The following SLIT3 variants were observed in gnomAD, a reference collection of about 807,000 sequenced individuals.
SLIT3 encodes the protein slit guidance ligand 3.
A neutral mutation model predicts 184.0 loss-of-function variants in SLIT3; 68 were observed. The observed-to-expected ratio is 0.37, with a 90% CI of 0.30 to 0.45. SLIT3 has a LOEUF of 0.45. Among genes scored for constraint, SLIT3 ranks in the 20% least tolerant of loss-of-function variants. The pLI is 1.00. For synonymous variants in SLIT3, 831 were observed against 828.6 expected (o/e 1.00, Z -0.05); for missense variants, 1,707 against 2,026.0 (o/e 0.84, Z 3.02).
At chr5:169,034,912 A>AGT (rs112102059) in intron 4 of SLIT3, among the ~76,000 whole-genome samples, 9,180 of 132,238 alleles carry the variant, frequency 0.069, 338 homozygotes, top group Middle Eastern at 0.1. Flanking sequence ...ACGCCCAGCT[A>AGT]GTGTGTGTGT....
chr5:168,709,774 A>G (rs1403298731), intron 25 of SLIT3, among the ~76,000 whole-genome samples: 1 of 152,210 alleles, frequency 6.6e-6, no homozygotes, highest in Non-Finnish European at 1.5e-5. Flanking sequence ...ACAAATGAAA[A>G]GTACGTTTTT....
chr5:169,210,379 G>A (rs1256563674), intron 3 of SLIT3, among the ~76,000 whole-genome samples: 1 of 152,102 alleles, frequency 6.6e-6, no homozygotes, highest in Non-Finnish European at 1.5e-5. Flanking sequence ...CTCTCTCATG[G>A]TCATTATTAA....
rs1000428198 is a variant in SLIT3 at position 169,278,963 on chromosome 5, G to A, written c.197+21550C>T. 4.6e-5 allele frequency among the ~76,000 whole-genome samples: 7 copies of A among 152,258 alleles called. No homozygotes were observed. In the East Asian group the frequency reaches 9.7e-4, roughly 21 times the overall value. ...TGGACAGGCCAAGAATTCATGGTAC[G>A]GGGGCTGTACCATGAGGACCCGGGA... On this transcript the variant is annotated intron_variant, in intron 1 of 35. Coordinates refer to ENST00000519560, the MANE Select transcript of SLIT3 (RefSeq NM_003062.4).
chr5:169,225,606 G>C (rs1581075543), intron 3 of SLIT3, among the ~76,000 whole-genome samples: 2 of 152,252 alleles, frequency 1.3e-5, no homozygotes, highest in African/African-American at 4.8e-5. Context: ...CCATAAGACT[G>C]TATGAGACTG....
intron 1 of SLIT3, among the ~76,000 whole-genome samples, chr5:169,257,497 A>G (rs1375996697): frequency 6.7e-6 from 1 of 150,242 alleles, no homozygotes; most frequent in African/African-American, 2.4e-5. Flanking sequence ...ACGCTGACAA[A>G]TAAAATATCT....
chr5:168,801,692 C>G (rs1283605124), intron 9 of SLIT3, among the ~76,000 whole-genome samples: 4 of 151,976 alleles, frequency 2.6e-5, no homozygotes, highest in Non-Finnish European at 2.9e-5. Flanking sequence ...CTGGGGCTTC[C>G]CATAATCAAA....
At chr5:168,738,178 G>A (rs1055558436) in intron 20 of SLIT3, among the ~76,000 whole-genome samples, 4 of 152,180 alleles carry the variant, frequency 2.6e-5, no homozygotes, top group Admixed American at 2.0e-4. Context: ...TTTACAATAA[G>A]GTTAAAATGT....
At chr5:168,822,140 C>T (rs145501601) in intron 7 of SLIT3, among the ~76,000 whole-genome samples, 1 of 152,258 alleles carries the variant, frequency 6.6e-6, no homozygotes, top group East Asian at 1.9e-4. Flanking sequence ...CTAGGGACCC[C>T]ACTGTGGAAG....
chr5:169,214,165 T>C (rs538966359), intron 3 of SLIT3, among the ~76,000 whole-genome samples: 216 of 152,346 alleles, frequency 1.4e-3, no homozygotes, highest in African/African-American at 5.0e-3. Flanking sequence ...ATTGAAATCA[T>C]ATAAGTGGCT....
chr5:169,095,574 A>G (rs973413157), intron 4 of SLIT3, among the ~76,000 whole-genome samples: 1 of 152,198 alleles, frequency 6.6e-6, no homozygotes, highest in Non-Finnish European at 1.5e-5. Context: ...GTAAGTATCC[A>G]TGGACTTCCC....
intron 4 of SLIT3, among the ~76,000 whole-genome samples, chr5:168,946,187 CG>C (rs1173150048): frequency 6.6e-6 from 1 of 152,150 alleles, no homozygotes; most frequent in Non-Finnish European, 1.5e-5. Context: ...TCACTATACA[CG>C]TTGACCCTTT....
intron 4 of SLIT3, among the ~76,000 whole-genome samples, chr5:169,066,586 C>T (rs1034724870): frequency 6.6e-6 from 1 of 152,156 alleles, no homozygotes; most frequent in Non-Finnish European, 1.5e-5. Flanking sequence ...TCATACCCTG[C>T]TAGTGGAAGT....
chr5:168,671,242 G>C lies in SLIT3; in HGVS notation c.4083C>G (p.Gly1361=), dbSNP rs771480354. 8.7e-6 allele frequency: 14 copies of C among 1,612,594 alleles called. No homozygotes were observed. In the Admixed American group the frequency reaches 2.3e-4, roughly 27 times the overall value. The part of the protein sequence containing the change: ...VVCECRPGWT[G]PLCDQEARDP... ...CCCGGGCCTCCTGATCGCAGAGTGGGCCGGTCCAGCCTGGGCGGCACTCGC... is the reference window on the plus strand; with the variant it reads ...CCCGGGCCTCCTGATCGCAGAGTGGCCCGGTCCAGCCTGGGCGGCACTCGC... Residue 1361 remains glycine, a synonymous_variant, in exon 34 of 36, where the codon GGC becomes GGG. Coordinates refer to ENST00000519560, the MANE Select transcript of SLIT3 (RefSeq NM_003062.4).
At chr5:169,169,269 T>G (rs76520935) in intron 4 of SLIT3, among the ~76,000 whole-genome samples, 2,737 of 152,258 alleles carry the variant, frequency 0.018, 100 homozygotes, top group African/African-American at 0.063. Context: ...CTCAGAGTCA[T>G]GTTCAATATA....
chr5:169,048,569 A>G (rs761662289), intron 4 of SLIT3, among the ~76,000 whole-genome samples: 2 of 152,230 alleles, frequency 1.3e-5, no homozygotes, highest in African/African-American at 2.4e-5. Flanking sequence ...CCATTCACAC[A>G]GTAGTTACCT....
chr5:169,261,688 T>G (rs1766183250), intron 1 of SLIT3, among the ~76,000 whole-genome samples: 1 of 152,226 alleles, frequency 6.6e-6, no homozygotes, highest in Non-Finnish European at 1.5e-5. Flanking sequence ...GAACTTTTAT[T>G]TCTTTGCTGA....
chr5:168,782,092 A>C (rs1755995092), intron 12 of SLIT3, among the ~76,000 whole-genome samples: 1 of 152,210 alleles, frequency 6.6e-6, no homozygotes, highest in Admixed American at 6.5e-5. Context: ...AAAGTGAACT[A>C]TAGGGAGTGA....
At chr5:169,200,612 G>A (rs1036798086) in intron 3 of SLIT3, among the ~76,000 whole-genome samples, 3 of 152,156 alleles carry the variant, frequency 2.0e-5, no homozygotes, top group Middle Eastern at 3.2e-3. Flanking sequence ...TCAGTTCAGA[G>A]ATGACATCAT....
At chr5:168,708,825 C>T (rs767999208) in intron 25 of SLIT3, among the ~76,000 whole-genome samples, 1 of 152,122 alleles carries the variant, frequency 6.6e-6, no homozygotes, top group Non-Finnish European at 1.5e-5. Flanking sequence ...TATAAATGAC[C>T]TTGGGGTTAA....
Sources: gnomAD v4.1 joint callset for allele counts (sites outside exome capture counted in the v4.1 genomes callset) on GRCh38, gnomAD v4.1.1 for gene constraint, MANE v1.5 for transcripts, NCBI Gene and HGNC (gene_info 2026-07-23, HGNC 2026-07-21) for gene names.